POLE: variants seen among roughly 807,000 people sequenced by gnomAD.
POLE encodes DNA polymerase epsilon catalytic subunit A.
In POLE, 188 loss-of-function variants were observed where a neutral mutation model predicts 279.2. That is an observed-to-expected ratio of 0.67 (90% CI 0.60 to 0.76). The LOEUF is 0.76. Among genes scored for constraint, POLE ranks in the 30% least tolerant of loss-of-function variants. The pLI, the probability that POLE is intolerant of heterozygous loss-of-function variation, is 0.00. For missense variants in POLE, 2,703 were observed against 3,016.7 expected, an observed-to-expected ratio of 0.90 and a Z score of 2.44; for synonymous variants, 1,214 against 1,172.5, an observed-to-expected ratio of 1.04 and a Z score of -0.72.
At chr12:132,631,422 C>T (rs976333663) in intron 45 of POLE, among the ~76,000 whole-genome samples, 3 of 152,160 alleles carry the variant, frequency 2.0e-5, no homozygotes, top group Admixed American at 2.0e-4. Flanking sequence ...ATATAAATTA[C>T]ACCTTAATAA....
Position 132,642,928 on chromosome 12 carries a change from C to A in POLE, c.4620G>T (p.Lys1540Asn), listed in dbSNP as rs2042184899. Residue 1540 changes from lysine to asparagine, a missense_variant, in exon 36 of 49, where the codon AAG (lysine) becomes AAT (asparagine). Coordinates refer to ENST00000320574, the MANE Select transcript of POLE (RefSeq NM_006231.4). Reference protein sequence around the residue: ...YSAEHGLLLEKVGPELLPPPK... With the variant: ...YSAEHGLLLENVGPELLPPPK... ...GGGGTGGCAGGAGCTCAGGGCCCAC[C>A]TTCTCCAGGAGGAGGCCGTGCTCTG... The A allele has an allele frequency of 6.2e-7, 1 of 1,612,388 alleles. No individual in the cohort carries two copies. Among genetic ancestry groups the A allele is most frequent in the Admixed American group, 1.7e-5 (1 of 59,498 alleles).
chr12:132,633,994 G>A (rs796377985), intron 43 of POLE, 192 bp downstream of exon 43: 19 of 540,510 alleles, frequency 3.5e-5, no homozygotes, highest in South Asian at 1.1e-4. Flanking sequence ...ACCCCTCTCC[G>A]GGCCCTCCAG....
Position 132,643,906 on chromosome 12 carries a change from G to C in POLE, c.4221C>G (p.Tyr1407Ter), listed in dbSNP as rs1486192402. ...CGTTGATCTCGTTGATGTGTTCCTGGTACATGTCCTCTGGCACTGAATACT... is the reference window on the plus strand; with the variant it reads ...CGTTGATCTCGTTGATGTGTTCCTGCTACATGTCCTCTGGCACTGAATACT... ...LYEYSVPEDM[Y>*]QEHINEINAE... is the part of the protein sequence containing the mutation. The change falls in exon 33 of 49, where the codon TAC (tyrosine) becomes TAG (stop). Residue 1407 changes from tyrosine to a stop codon, truncating the protein, a stop_gained. Coordinates refer to ENST00000320574, the MANE Select transcript of POLE (RefSeq NM_006231.4). LOFTEE classifies it high-confidence loss of function. 1 of 1,614,052 alleles carries C rather than the reference G, an allele frequency of 6.2e-7. No homozygotes were observed. Among genetic ancestry groups the C allele is most frequent in the Non-Finnish European group, 8.5e-7 (1 of 1,179,962 alleles).
rs1266431461 is a variant in POLE, at chr12:132,668,265, C to G, written c.2173+91G>C. 3.4e-6 allele frequency: 5 copies of G among 1,455,060 alleles called. No individual in the cohort carries two copies. 90.1% of individuals were successfully genotyped at this position (1,455,060 alleles called of 1,614,324 possible). On this transcript the variant is annotated intron_variant, in intron 19 of 48. Coordinates refer to ENST00000320574, the MANE Select transcript of POLE (RefSeq NM_006231.4). The surrounding 1 kb of genome is among the most constrained non-coding windows in gnomAD (Gnocchi z 4.0). ...CTGCTGTGACAACACCTCTGGGGCC[C>G]CAGCTGGGATGGACCAACGCAGCCC... is the stretch of plus-strand genomic sequence containing the variant.
chr12:132,647,162 G>A (rs547582296), intron 32 of POLE, among the ~76,000 whole-genome samples: 3 of 152,182 alleles, frequency 2.0e-5, no homozygotes, highest in African/African-American at 7.2e-5. Flanking sequence ...TGTGTTGGGC[G>A]GGATTTGGCT....
At position 132,673,717 on chromosome 12, in the gene POLE, G is replaced by T; in HGVS notation, c.1227-10C>A. 2 of 1,613,184 alleles carry T rather than the reference G, an allele frequency of 1.2e-6. No homozygotes were observed. Among genetic ancestry groups the T allele is most frequent in the Non-Finnish European group, 1.7e-6 (2 of 1,179,948 alleles). ...GTCCCTCTTCACCCACCTGGAAGGAGAATGAGAACAGAAGCCAGGATGATT... is the reference window on the plus strand; with the variant it reads ...GTCCCTCTTCACCCACCTGGAAGGATAATGAGAACAGAAGCCAGGATGATT... On this transcript the variant is annotated splice_polypyrimidine_tract_variant and intron_variant, in intron 12 of 48. Coordinates refer to ENST00000320574, the MANE Select transcript of POLE (RefSeq NM_006231.4).
At chr12:132,643,363 G>T (rs5744942) in intron 34 of POLE, 33 bp from the exon 35 acceptor site, 5 of 1,614,180 alleles carry the variant, frequency 3.1e-6, no homozygotes, top group Non-Finnish European at 4.2e-6. Flanking sequence ...CACCCCAGAT[G>T]TGTGGGAGGC....
chr12:132,682,298 A>AAAAAT (rs2043184246), intron 1 of POLE, among the ~76,000 whole-genome samples: 1 of 97,896 alleles, frequency 1.0e-5, no homozygotes, highest in African/African-American at 3.2e-5. Flanking sequence ...CGGCAAAAAA[A>AAAAAT]AAAAAATAAA....
Position 132,677,710 on chromosome 12 carries a change from C to A in POLE, c.588G>T (p.Gln196His), listed in dbSNP as rs878854886. The change falls in exon 7 of 49, where the codon CAG becomes CAT. Residue 196 changes from glutamine (Q) to histidine (H), a missense_variant. Coordinates refer to ENST00000320574, the MANE Select transcript of POLE (RefSeq NM_006231.4). ...CTTCATCAGTAATGACACCGCCCCTCTGCAGAACACTAGGAATTAACAAGA... is the reference window on the plus strand; with the variant it reads ...CTTCATCAGTAATGACACCGCCCCTATGCAGAACACTAGGAATTAACAAGA... Reference protein sequence around the residue: ...AYTALLSSVLQRGGVITDEEE... With the variant: ...AYTALLSSVLHRGGVITDEEE... 3.1e-6 allele frequency: 5 copies of A among 1,613,944 alleles called. No homozygotes were observed. Among genetic ancestry groups the A allele is most frequent in the Non-Finnish European group, 4.2e-6 (5 of 1,179,976 alleles).
Position 132,648,917 on chromosome 12 carries a change from G to C in POLE, c.4149+12C>G, listed in dbSNP as rs566422403. The C allele has an allele frequency of 1.5e-5, 24 of 1,605,246 alleles. No individual in the cohort carries two copies. In the East Asian group the frequency reaches 5.4e-4, roughly 36 times the overall value. ...CCAGATGACTGCAGAGGCAGCACCA[G>C]CTCCTCCCTACCTTGCGATACGAAG... On this transcript the variant is annotated intron_variant, in intron 32 of 48. Transcript: ENST00000320574.
intron 45 of POLE, among the ~76,000 whole-genome samples, chr12:132,629,078 C>T (rs12321921): frequency 0.013 from 2,010 of 152,320 alleles, 49 homozygotes; most frequent in African/African-American, 0.045. Flanking sequence ...CGTTGAAAGT[C>T]GAAATTGCTC....
Position 132,642,526 on chromosome 12 carries a change from C to A in POLE, c.4932G>T (p.Ser1644=), listed in dbSNP as rs1057522607. The A allele has an allele frequency of 4.3e-6, 7 of 1,613,670 alleles. No individual in the cohort carries two copies. Among genetic ancestry groups the A allele is most frequent in the Non-Finnish European group, 5.9e-6 (7 of 1,179,998 alleles). The change falls in exon 37 of 49, where the codon TCG becomes TCT. Residue 1644 remains serine (S), a synonymous_variant. Coordinates refer to ENST00000320574, the MANE Select transcript of POLE (RefSeq NM_006231.4). ...CTCACCTGCTCATCTCGAAGGCCTG[C>A]GACAGGCAGGTGTCCAGGTTGAGGT... The part of the protein sequence containing the change: ...RHYLNLDTCL[S]QAFEMSRYFH...
chr12:132,647,410 T>A (rs1377191621), intron 32 of POLE, among the ~76,000 whole-genome samples: 1 of 147,332 alleles, frequency 6.8e-6, no homozygotes, highest in African/African-American at 2.5e-5. Context: ...ACCTTGAAAA[T>A]TAAAAATAAT....
intron 41 of POLE, among the ~76,000 whole-genome samples, chr12:132,636,840 A>G (rs1271793026): frequency 1.3e-5 from 2 of 152,268 alleles, no homozygotes; most frequent in Non-Finnish European, 2.9e-5. Flanking sequence ...TCACAGTTTC[A>G]AAATGCAGCT....
intron 45 of POLE, among the ~76,000 whole-genome samples, chr12:132,627,500 T>C (rs1292652183): frequency 6.6e-6 from 1 of 152,046 alleles, no homozygotes. Flanking sequence ...GGTTTTGCCA[T>C]GTTGCCCAGG....
In POLE at chr12:132,632,353, T is replaced by C. The variant is rs2041949655; in HGVS notation, c.6292A>G (p.Asn2098Asp). The stretch of plus-strand genomic sequence containing the variant: ...TTGATGAACTCCAGGGCAGGGTTAT[T>C]GAGCAGCAAGTGGGAACCGGGGAGG... ...PVLPGSHLLL[N>D]NPALEFIKYV... Residue 2098 changes from asparagine to aspartate, a missense_variant, in exon 45 of 49, where the codon AAT (asparagine) becomes GAT (aspartate). Coordinates refer to ENST00000320574, the MANE Select transcript of POLE (RefSeq NM_006231.4). The C allele has an allele frequency of 6.2e-7, 1 of 1,614,142 alleles. No individual in the cohort carries two copies. The highest frequency in any genetic ancestry group is 1.1e-5 in the South Asian group (1 of 91,082).
chr12:132,653,302 G>A (rs2042462834), intron 29 of POLE, among the ~76,000 whole-genome samples: 1 of 152,194 alleles, frequency 6.6e-6, no homozygotes, highest in Admixed American at 6.5e-5. Context: ...GTGAGATTAA[G>A]AGTTCTAGGC....
chr12:132,670,693 C>T (rs2042907916), intron 16 of POLE, among the ~76,000 whole-genome samples: 1 of 152,012 alleles, frequency 6.6e-6, no homozygotes, highest in African/African-American at 2.4e-5. Flanking sequence ...CGGGGTTTCA[C>T]CGTGTTAGCC....
In POLE at chr12:132,661,044, CT is replaced by C; in HGVS notation, c.2984del (p.Lys995ArgfsTer12). 1 of 1,614,156 alleles carries C rather than the reference CT, an allele frequency of 6.2e-7. No homozygotes were observed. The highest frequency in any genetic ancestry group is 8.5e-7 in the Non-Finnish European group (1 of 1,180,014). ...FQSSVFEAFL[K>X]GSTLEEVYGS... ...CATACACCTCTTCCAGCGTGCTGCC[CT>C]TGAGGAAGGCCTCAAACACCGAGGA... is the stretch of plus-strand genomic sequence containing the variant. On this transcript the variant is annotated frameshift_variant, in exon 25 of 49. Coordinates refer to ENST00000320574, the MANE Select transcript of POLE (RefSeq NM_006231.4). LOFTEE classifies it high-confidence loss of function. The surrounding 1 kb of genome is among the most constrained non-coding windows in gnomAD (Gnocchi z 4.1).
Sources: allele counts gnomAD v4.1 joint callset (sites outside exome capture counted in the v4.1 genomes callset), GRCh38; gene constraint gnomAD v4.1.1; non-coding constraint Gnocchi (gnomAD v3.1); transcripts MANE v1.5; gene names NCBI Gene and HGNC (gene_info 2026-07-23, HGNC 2026-07-21).